Variants in TRPS1 observed in about 807,000 individuals in gnomAD.
The protein encoded by TRPS1 is zinc finger transcription factor Trps1.
A neutral mutation model predicts 101.2 loss-of-function variants in TRPS1; 6 were observed. That is an observed-to-expected ratio of 0.06 (90% CI 0.03 to 0.12). The LOEUF (loss-of-function observed/expected upper bound fraction) is 0.12. TRPS1 is among the 10% of genes least tolerant of loss of function. The pLI, the probability that TRPS1 is intolerant of heterozygous loss-of-function variation, is 1.00. For missense variants in TRPS1, 1,363 were observed against 1,567.0 expected, an observed-to-expected ratio of 0.87 and a Z score of 2.20; for synonymous variants, 578 against 589.8, an observed-to-expected ratio of 0.98 and a Z score of 0.29.
chr8:115,442,873 C>T (rs1042999878), intron 5 of TRPS1, among the ~76,000 whole-genome samples: 10 of 151,834 alleles, frequency 6.6e-5, no homozygotes, highest in East Asian at 1.9e-4. Flanking sequence ...GGGTGGATCA[C>T]GACGTCAGGA....
chr8:115,481,896 G>A (rs1359855770), intron 5 of TRPS1, among the ~76,000 whole-genome samples: 1 of 152,188 alleles, frequency 6.6e-6, no homozygotes, highest in Non-Finnish European at 1.5e-5. Context: ...GAAGAATGTA[G>A]TGAAGGAAAA....
chr8:115,420,503 T>C (rs1396454021), intron 5 of TRPS1, among the ~76,000 whole-genome samples: 1 of 152,202 alleles, frequency 6.6e-6, no homozygotes, highest in African/African-American at 2.4e-5. Context: ...CCCACATATA[T>C]GGCTGAGGCT....
At chr8:115,533,434 C>CTTTTTTTTTTTTTTTT (rs1427634638) in intron 5 of TRPS1, among the ~76,000 whole-genome samples, 2 of 32,348 alleles carry the variant, frequency 6.2e-5, no homozygotes, top group Non-Finnish European at 1.2e-4. Flanking sequence ...CACATGTAAT[C>CTTTTTTTTTTTTTTTT]TGTTTTTTTT....
In TRPS1 at chr8:115,642,095, T is replaced by C. The variant is rs552265808; in HGVS notation, c.-121-18337A>G. Among the ~76,000 whole-genome samples, 3 of 152,000 alleles carry C rather than the reference T, an allele frequency of 2.0e-5. No homozygotes were observed. In the South Asian group the frequency reaches 6.2e-4, roughly 32 times the overall value. ...AAGGCATGATGGCTTGTGCCTGTAG[T>C]CCCAGCTATTTAGGAGGCTGAGGCT... On this transcript the variant is annotated intron_variant, in intron 1 of 6. Transcript: ENST00000395715.
chr8:115,474,571 T>C (rs1814551899), intron 5 of TRPS1, among the ~76,000 whole-genome samples: 1 of 152,162 alleles, frequency 6.6e-6, no homozygotes, highest in South Asian at 2.1e-4. Context: ...AGAGAACAGA[T>C]TACTGTTCTG....
At chr8:115,543,436 A>T (rs527306014) in intron 5 of TRPS1, among the ~76,000 whole-genome samples, 12 of 152,258 alleles carry the variant, frequency 7.9e-5, no homozygotes, top group South Asian at 2.1e-4. Flanking sequence ...AATTTTTTTT[A>T]AATTTTTTTT....
rs1812716695 is a variant in TRPS1, at chr8:115,408,839, A to G, written c.*5184T>C. ...ATGTTCCCCCCTCATGCCTCCCCCA[A>G]AGTTTTCCATGTGGTTGTCAAATAG... is the stretch of plus-strand genomic sequence containing the variant. On this transcript the variant is annotated 3_prime_UTR_variant, in exon 7 of 7. Transcript: ENST00000395715. The G allele has an allele frequency of 6.6e-6, 1 of 152,010 alleles. No homozygotes were observed. The allele number at this position is 152,010 out of a possible 1,614,324, so 9.4% of individuals were successfully genotyped here. A position where few individuals can be genotyped will look rare whatever the true frequency, so the allele number is the denominator to read the frequency against.
chr8:115,596,229 T>G (rs1276526885), intron 4 of TRPS1, among the ~76,000 whole-genome samples: 4 of 151,958 alleles, frequency 2.6e-5, no homozygotes, highest in Non-Finnish European at 5.9e-5. Flanking sequence ...TGTGTAGTTT[T>G]CCACATTTTA....
intron 5 of TRPS1, among the ~76,000 whole-genome samples, chr8:115,433,145 G>A (rs1368001671): frequency 6.6e-6 from 1 of 151,948 alleles, no homozygotes; most frequent in Non-Finnish European, 1.5e-5. Flanking sequence ...ATTCAAATGG[G>A]AAAGCAATCG....
chr8:115,609,194 AC>A (rs1818107586), intron 3 of TRPS1, among the ~76,000 whole-genome samples: 1 of 152,180 alleles, frequency 6.6e-6, no homozygotes, highest in Non-Finnish European at 1.5e-5. Context: ...ATTAGATAGC[AC>A]ACTCAACAGT....
intron 1 of TRPS1, among the ~76,000 whole-genome samples, chr8:115,647,591 A>G (rs1204286849): frequency 6.6e-6 from 1 of 152,204 alleles, no homozygotes; most frequent in Non-Finnish European, 1.5e-5. Context: ...CATGAGACAC[A>G]CACTTCCATC....
At position 115,492,486 on chromosome 8, in the gene TRPS1, CGT is replaced by C. The variant is rs879848839; in HGVS notation, c.2701-74036_2701-74035del. On this transcript the variant is annotated intron_variant, in intron 5 of 6. Coordinates refer to ENST00000395715, the MANE Select transcript of TRPS1 (RefSeq NM_014112.5). ...GTGTGTGTGTGTGTGTGTGTGCGTG[CGT>C]GTGCGTGTTCGTGTGTGTGTGTATG... 5.3e-3 allele frequency among the ~76,000 whole-genome samples: 397 copies of C among 75,306 alleles called. 2 individuals are homozygous for C. Among genetic ancestry groups the C allele is most frequent in the Non-Finnish European group, 9.9e-3 (209 of 21,166 alleles). 49.4% of individuals were successfully genotyped at this position (75,306 alleles called of 152,430 possible). A position where few individuals can be genotyped will look rare whatever the true frequency, so the allele number is the denominator to read the frequency against.
rs1563607879 is a variant in TRPS1, at chr8:115,565,484, AG to A, written c.2700+21516del. 6.9e-3 allele frequency among the ~76,000 whole-genome samples: 545 copies of A among 78,948 alleles called. 3 individuals are homozygous for A. Among genetic ancestry groups the A allele is most frequent in the African/African-American group, 0.05 (522 of 10,376 alleles). The allele number at this position is 78,948 out of a possible 152,430, so 51.8% of individuals were successfully genotyped here. ...ATTTAATTGCATTGGAAAAAATGAC[AG>A]GTTTTTTTTTTTGTTTTCTTTATTA... On this transcript the variant is annotated intron_variant, in intron 5 of 6. Transcript: ENST00000395715.
At chr8:115,440,650 A>G (rs1813570742) in intron 5 of TRPS1, among the ~76,000 whole-genome samples, 1 of 152,210 alleles carries the variant, frequency 6.6e-6, no homozygotes, top group African/African-American at 2.4e-5. Context: ...AATAAGTCTT[A>G]TAATAAGTTT....
rs1815773167 is a variant in TRPS1, at chr8:115,518,347, T to C, written c.2700+68654A>G. Among the ~76,000 whole-genome samples, 3 of 151,744 alleles carry C rather than the reference T, an allele frequency of 2.0e-5. No homozygotes were observed. In the South Asian group the frequency reaches 6.2e-4, roughly 31 times the overall value. ...CAAAAACTATTCTCACTCTAGAAAA[T>C]ATTAGAAAAGTCTCATCATATGATT... is the stretch of plus-strand genomic sequence containing the variant. On this transcript the variant is annotated intron_variant, in intron 5 of 6. Coordinates refer to ENST00000395715, the MANE Select transcript of TRPS1 (RefSeq NM_014112.5).
chr8:115,601,765 T>C (rs766016228), intron 4 of TRPS1, among the ~76,000 whole-genome samples: 3 of 152,210 alleles, frequency 2.0e-5, no homozygotes, highest in Non-Finnish European at 2.9e-5. Context: ...CATTAAAATG[T>C]AACTCACCTG....
At chr8:115,533,626 A>G (rs1816206331) in intron 5 of TRPS1, among the ~76,000 whole-genome samples, 1 of 151,886 alleles carries the variant, frequency 6.6e-6, no homozygotes, top group Non-Finnish European at 1.5e-5. Flanking sequence ...GCAAACTTAA[A>G]AGTAATTTTC....
chr8:115,442,117 C>G (rs555646486), intron 5 of TRPS1, among the ~76,000 whole-genome samples: 1 of 152,192 alleles, frequency 6.6e-6, no homozygotes, highest in South Asian at 2.1e-4. Flanking sequence ...CTGGGTAAAA[C>G]TGAGTAAAAA....
chr8:115,450,673 A>G (rs780209910), intron 5 of TRPS1, among the ~76,000 whole-genome samples: 9 of 152,112 alleles, frequency 5.9e-5, no homozygotes, highest in Non-Finnish European at 1.2e-4. Context: ...ACTGTAACTC[A>G]TGTGACACCC....
Sources: gnomAD v4.1 joint callset for allele counts (sites outside exome capture counted in the v4.1 genomes callset) on GRCh38, gnomAD v4.1.1 for gene constraint, MANE v1.5 for transcripts, NCBI Gene and HGNC (gene_info 2026-07-23, HGNC 2026-07-21) for gene names.